The following TTC28 variants were observed in gnomAD, a reference collection of about 807,000 sequenced individuals.
The protein encoded by TTC28 is tetratricopeptide repeat protein 28.
A neutral mutation model predicts 198.0 loss-of-function variants in TTC28; 61 were observed. The ratio of observed to expected loss-of-function variants is 0.31; its 90% CI spans 0.25 to 0.38. TTC28 has a LOEUF of 0.38. TTC28 is among the 10% of genes least tolerant of loss of function. TTC28 has a pLI of 1.00. For missense variants in TTC28, 2,678 were observed against 3,164.0 expected, an observed-to-expected ratio of 0.85 and a Z score of 3.69; for synonymous variants, 1,171 against 1,297.8, an observed-to-expected ratio of 0.90 and a Z score of 2.10.
intron 12 of TTC28, among the ~76,000 whole-genome samples, chr22:28,089,695 A>C (rs5752693): frequency 6.7e-6 from 1 of 149,678 alleles, no homozygotes; most frequent in Non-Finnish European, 1.5e-5. Context: ...TAAAATAAAA[A>C]ATAAAAAAAT....
intron 2 of TTC28, among the ~76,000 whole-genome samples, chr22:28,400,045 A>C (rs765618501): frequency 4.0e-4 from 61 of 152,294 alleles, no homozygotes; most frequent in Middle Eastern, 3.4e-3. Context: ...TCCCAAATAC[A>C]CATATTTTTA....
intron 13 of TTC28, among the ~76,000 whole-genome samples, chr22:28,016,377 C>T (rs556717580): frequency 3.9e-5 from 6 of 152,340 alleles, no homozygotes; most frequent in East Asian, 1.9e-4. Context: ...TGGCATGACG[C>T]GCGGTGTCTG....
At chr22:28,167,735 G>A (rs1922167138) in intron 5 of TTC28, among the ~76,000 whole-genome samples, 1 of 152,108 alleles carries the variant, frequency 6.6e-6, no homozygotes, top group Non-Finnish European at 1.5e-5. Flanking sequence ...CCAAAAACTG[G>A]AAGCATTCCC....
intron 5 of TTC28, among the ~76,000 whole-genome samples, chr22:28,196,078 C>T (rs1013055829): frequency 5.9e-5 from 9 of 151,842 alleles, no homozygotes; most frequent in African/African-American, 1.9e-4. Flanking sequence ...GGTACTGGTA[C>T]CAAAACAGAG....
chr22:28,397,875 C>T (rs892299414), intron 2 of TTC28, among the ~76,000 whole-genome samples: 9 of 152,200 alleles, frequency 5.9e-5, no homozygotes, highest in Admixed American at 1.3e-4. Context: ...TTCTTCAACA[C>T]TCCAGAGGGC....
chr22:27,982,004 T>C lies in TTC28; in HGVS notation c.*217A>G, dbSNP rs1937036622. 21 of 472,336 alleles carry C rather than the reference T, an allele frequency of 4.4e-5. No individual in the cohort carries two copies. The East Asian group carries it at 6.5e-4, about 15-fold the overall frequency. The allele number at this position is 472,336 out of a possible 1,614,324, so 29.3% of individuals were successfully genotyped here. A position where few individuals can be genotyped will look rare whatever the true frequency, so the allele number is the denominator to read the frequency against. On this transcript the variant is annotated 3_prime_UTR_variant, in exon 23 of 23. Coordinates refer to ENST00000397906, the MANE Select transcript of TTC28 (RefSeq NM_001145418.2). The surrounding 1 kb of genome is among the most constrained non-coding windows in gnomAD (Gnocchi z 5.2). ...TGTAGGAAATTCCATGAGCCTCCTG[T>C]ACCAGCCCCACAGAAGTCCTGGCTT...
At position 27,993,315 on chromosome 22, in the gene TTC28, C is replaced by T. The variant is rs1289884941; in HGVS notation, c.5448G>A (p.Gln1816=). Residue 1816 remains glutamine (Q), a synonymous_variant, in exon 18 of 23, where the codon CAG becomes CAA. Coordinates refer to ENST00000397906, the MANE Select transcript of TTC28 (RefSeq NM_001145418.2). ...GCAGGGACTGGAGTGTGCTGCTGCA[C>T]TGCTGGAGCCGGTCGCCCGGGTCGG... is the stretch of plus-strand genomic sequence containing the variant. The part of the protein sequence containing the change: ...PTSDPGDRLQ[Q]CSSTLQSLLG... 7 of 1,546,704 alleles carry T rather than the reference C, an allele frequency of 4.5e-6. No individual in the cohort carries two copies. The East Asian group carries it at 1.2e-4, about 27-fold the overall frequency.
chr22:28,283,893 G>A (rs952020645), intron 5 of TTC28, among the ~76,000 whole-genome samples: 1 of 152,112 alleles, frequency 6.6e-6, no homozygotes, highest in Non-Finnish European at 1.5e-5. Context: ...TAGTTACTAG[G>A]AGCAAAGTAA....
intron 5 of TTC28, among the ~76,000 whole-genome samples, chr22:28,262,673 C>T (rs1931407018): frequency 6.6e-6 from 1 of 152,120 alleles, no homozygotes; most frequent in South Asian, 2.1e-4. Flanking sequence ...AGAGACTAAA[C>T]TGACAGATCT....
At chr22:28,431,011 C>A (rs768294904) in intron 2 of TTC28, among the ~76,000 whole-genome samples, 1 of 152,076 alleles carries the variant, frequency 6.6e-6, no homozygotes, top group Non-Finnish European at 1.5e-5. Context: ...TACTACTCTA[C>A]CGTGAAGACT....
At chr22:28,279,890 C>G (rs975537781) in intron 5 of TTC28, among the ~76,000 whole-genome samples, 7 of 152,206 alleles carry the variant, frequency 4.6e-5, no homozygotes, top group Admixed American at 3.9e-4. Context: ...AGTATGTCCT[C>G]TTTTGGTATC....
At chr22:28,533,145 T>C (rs1033236369) in intron 2 of TTC28, among the ~76,000 whole-genome samples, 1 of 152,192 alleles carries the variant, frequency 6.6e-6, no homozygotes, top group South Asian at 2.1e-4. Context: ...CATGGTTGTA[T>C]ATCTAGAAAA....
chr22:28,315,064 T>C (rs889857764), intron 2 of TTC28, among the ~76,000 whole-genome samples: 6 of 152,140 alleles, frequency 3.9e-5, no homozygotes, highest in Non-Finnish European at 8.8e-5. Context: ...GCATTAATAA[T>C]ATAGGTAGTC....
intron 2 of TTC28, among the ~76,000 whole-genome samples, chr22:28,484,380 G>A (rs2048291219): frequency 6.6e-6 from 1 of 151,988 alleles, no homozygotes; most frequent in Admixed American, 6.6e-5. Flanking sequence ...CCAAAGCACT[G>A]GGATTACAGG....
At chr22:28,449,614 G>T (rs1209747439) in intron 2 of TTC28, among the ~76,000 whole-genome samples, 1 of 152,140 alleles carries the variant, frequency 6.6e-6, no homozygotes, top group Non-Finnish European at 1.5e-5. Context: ...CCAAAGCCTT[G>T]CTTTTAACTT....
intron 2 of TTC28, among the ~76,000 whole-genome samples, chr22:28,535,476 C>A (rs907717568): frequency 6.6e-6 from 1 of 152,058 alleles, no homozygotes; most frequent in African/African-American, 2.4e-5. Flanking sequence ...AAATTTTATA[C>A]CTTTGAGATT....
intron 13 of TTC28, among the ~76,000 whole-genome samples, chr22:28,024,896 A>G (rs1232904296): frequency 6.6e-6 from 1 of 152,208 alleles, no homozygotes; most frequent in African/African-American, 2.4e-5. Context: ...ACATGCCCAC[A>G]TTTAATGTGG....
At chr22:28,112,139 G>A (rs959176696) in intron 6 of TTC28, among the ~76,000 whole-genome samples, 3 of 151,874 alleles carry the variant, frequency 2.0e-5, no homozygotes, top group Non-Finnish European at 2.9e-5. Flanking sequence ...CACTAATAAG[G>A]TCATATTATA....
chr22:28,370,512 T>C (rs192456776), intron 2 of TTC28, among the ~76,000 whole-genome samples: 121 of 152,356 alleles, frequency 7.9e-4, no homozygotes, highest in Middle Eastern at 3.4e-3. Flanking sequence ...AACTATTCTA[T>C]ATCTTGTCCA....
Sources: gnomAD v4.1 joint callset for allele counts (sites outside exome capture counted in the v4.1 genomes callset) on GRCh38, gnomAD v4.1.1 for gene constraint, Gnocchi (gnomAD v3.1) non-coding constraint, MANE v1.5 for transcripts, NCBI Gene and HGNC (gene_info 2026-07-23, HGNC 2026-07-21) for gene names.